Variants in HDAC5 observed in about 807,000 individuals in gnomAD.
The protein encoded by HDAC5 is antigen NY-CO-9.
Under a neutral mutation model 133.3 loss-of-function variants are expected in HDAC5, and 25 were observed. The ratio of observed to expected loss-of-function variants is 0.19; its 90% CI spans 0.14 to 0.26. HDAC5 has a LOEUF of 0.26. Ranked by LOEUF, HDAC5 falls within the 10% of genes least tolerant of loss-of-function variation. The pLI is 1.00. For synonymous variants in HDAC5, 589 were observed against 610.8 expected (o/e 0.96, Z 0.53); for missense variants, 1,041 against 1,460.5 (o/e 0.71, Z 4.68).
chr17:44,109,276 G>A (rs977730923), intron 3 of HDAC5, among the ~76,000 whole-genome samples: 2 of 152,212 alleles, frequency 1.3e-5, no homozygotes, highest in African/African-American at 4.8e-5. Context: ...TGTGGGCTAG[G>A]GGCCAGCAGG....
chr17:44,101,134 A>G (rs964503242), intron 3 of HDAC5, among the ~76,000 whole-genome samples: 1 of 149,858 alleles, frequency 6.7e-6, no homozygotes, highest in Admixed American at 6.6e-5. Flanking sequence ...AGCCGGGCAC[A>G]GTGGCTCATG....
intron 1 of HDAC5, among the ~76,000 whole-genome samples, chr17:44,118,295 C>T (rs1205596855): frequency 6.6e-6 from 1 of 152,240 alleles, no homozygotes; most frequent in Non-Finnish European, 1.5e-5. Flanking sequence ...AAGTCAGAGA[C>T]CTCTCCATCC....
chr17:44,108,047 C>T (rs77081685), intron 3 of HDAC5, among the ~76,000 whole-genome samples: 1 of 152,204 alleles, frequency 6.6e-6, no homozygotes, highest in South Asian at 2.1e-4. Flanking sequence ...AACTCCCAGG[C>T]TCCCCAAGCC....
At chr17:44,100,578 C>CAAAAAAAAAAAAAAAA (rs869274112) in intron 3 of HDAC5, among the ~76,000 whole-genome samples, 1 of 89,374 alleles carries the variant, frequency 1.1e-5, no homozygotes, top group Non-Finnish European at 2.2e-5. Flanking sequence ...ACTAAAGATA[C>CAAAAAAAAAAAAAAAA]AAAAAAAAAA....
intron 2 of HDAC5, among the ~76,000 whole-genome samples, chr17:44,116,479 C>T (rs185284196): frequency 5.2e-4 from 79 of 152,254 alleles, no homozygotes; most frequent in Admixed American, 9.2e-4. Context: ...TGGATTCCTC[C>T]CTGATGCTGC....
chr17:44,083,428 G>C, intron 18 of HDAC5, 117 bp downstream of exon 18: 1 of 695,810 alleles, frequency 1.4e-6, no homozygotes. Flanking sequence ...TGGTGCCTGA[G>C]AGTTGAGCTT....
At position 44,121,641 on chromosome 17, in the gene HDAC5, C is replaced by A. The variant is rs982267960; in HGVS notation, c.-190+1863G>T. ...ACTATGCGGGAACACAAATGACCCC[C>A]GCCCAACATTCCCAGGCCCCATTTC... On this transcript the variant is annotated intron_variant, in intron 1 of 26. Coordinates refer to ENST00000682912, the MANE Select transcript of HDAC5 (RefSeq NM_005474.5). Among the ~76,000 whole-genome samples the A allele has an allele frequency of 1.3e-5, 2 of 151,908 alleles. 1 individual carries two copies. The highest frequency in any genetic ancestry group is 4.8e-5 in the African/African-American group (2 of 41,316).
At chr17:44,110,322 C>G (rs2052256828) in intron 3 of HDAC5, among the ~76,000 whole-genome samples, 2 of 152,194 alleles carry the variant, frequency 1.3e-5, no homozygotes, top group South Asian at 4.1e-4. Flanking sequence ...AACCTTTATT[C>G]TTGTGGACAC....
At chr17:44,119,943 C>A in intron 1 of HDAC5, 1 of 152,314 alleles carries the variant, frequency 6.6e-6, no homozygotes. Flanking sequence ...CAGACAGACC[C>A]CTGCCCACCC....
intron 24 of HDAC5, 78 bp from the exon 25 acceptor site, chr17:44,078,957 C>A: frequency 1.3e-6 from 2 of 1,535,406 alleles, no homozygotes; most frequent in Non-Finnish European, 1.8e-6. Flanking sequence ...CCCACTCAGC[C>A]CCAGATATCC....
intron 9 of HDAC5, 45 bp downstream of exon 9, chr17:44,092,127 G>A (rs757920942): frequency 6.5e-7 from 1 of 1,533,860 alleles, no homozygotes; most frequent in Non-Finnish European, 9.0e-7. Flanking sequence ...CCATGGGAAG[G>A]AGCAACTCTG....
chr17:44,121,101 GAAAAA>G (rs35741759), intron 1 of HDAC5, among the ~76,000 whole-genome samples: 3 of 87,884 alleles, frequency 3.4e-5, no homozygotes, highest in African/African-American at 4.7e-5. Flanking sequence ...GCTATTTCTA[GAAAAA>G]AAAAAAAAAA....
intron 11 of HDAC5, among the ~76,000 whole-genome samples, chr17:44,089,728 C>T (rs1322793776): frequency 2.6e-5 from 2 of 75,610 alleles, no homozygotes; most frequent in African/African-American, 1.0e-4. Context: ...GCCTGGGCAA[C>T]AAGAGTGAAA....
chr17:44,080,344 C>T (rs2050332202), intron 22 of HDAC5, 57 bp downstream of exon 22: 5 of 1,570,206 alleles, frequency 3.2e-6, no homozygotes, highest in African/African-American at 2.7e-5. Flanking sequence ...TCTGCCCCTC[C>T]CACTGCAGGG....
chr17:44,107,306 T>C (rs972634028), intron 3 of HDAC5, among the ~76,000 whole-genome samples: 2 of 152,044 alleles, frequency 1.3e-5, no homozygotes, highest in African/African-American at 4.8e-5. Flanking sequence ...ATCAACACTG[T>C]CCTAAAACAG....
chr17:44,083,403 A>G (rs966730957), intron 18 of HDAC5, 142 bp downstream of exon 18: 17 of 625,322 alleles, frequency 2.7e-5, no homozygotes, highest in Non-Finnish European at 4.2e-5. Context: ...CCCAGCTGGC[A>G]ACTCCTTCCC....
At chr17:44,109,044 AG>A (rs2052173314) in intron 3 of HDAC5, among the ~76,000 whole-genome samples, 1 of 152,130 alleles carries the variant, frequency 6.6e-6, no homozygotes, top group Admixed American at 6.5e-5. Context: ...ATGAGAGAGC[AG>A]GGTCCCAGCC....
chr17:44,088,513 C>A lies in HDAC5; in HGVS notation c.1473G>T (p.Arg491=), dbSNP rs1333569405. 1 of 1,613,228 alleles carries A rather than the reference C, an allele frequency of 6.2e-7. No homozygotes were observed. Among genetic ancestry groups the A allele is most frequent in the Non-Finnish European group, 8.5e-7 (1 of 1,179,918 alleles). Residue 491 remains arginine (R), a synonymous_variant, in exon 12 of 27, where the codon CGG becomes CGT. Transcript: ENST00000682912. ...GTGAGGACTGAGTGCGGCTCAGGGG[C>A]CGATGCCGCGGGAGCTTGCCTACCG... ...MRTVGKLPRH[R]PLSRTQSSPL...
rs59209668 is a variant in HDAC5, at chr17:44,094,746, A to ATG, written c.95-914_95-913dup. 6.2e-3 allele frequency among the ~76,000 whole-genome samples: 929 copies of ATG among 150,580 alleles called. 17 individuals carry two copies. The highest frequency in any genetic ancestry group is 0.022 in the African/African-American group (883 of 40,830). ...TGTGTGTATATATATGTGTGTACGT[A>ATG]TGTGTGTGTATATATATATATACAC... On this transcript the variant is annotated intron_variant, in intron 3 of 26. Transcript: ENST00000682912.
Sources: allele counts gnomAD v4.1 joint callset (sites outside exome capture counted in the v4.1 genomes callset), GRCh38; gene constraint gnomAD v4.1.1; transcripts MANE v1.5; gene names NCBI Gene and HGNC (gene_info 2026-07-23, HGNC 2026-07-21).